DERA: variants seen among roughly 807,000 people sequenced by gnomAD.
The protein encoded by DERA is deoxyribose-phosphate aldolase.
Under a neutral mutation model 41.1 loss-of-function variants are expected in DERA, and 15 were observed. That is an observed-to-expected ratio of 0.37 (90% confidence interval 0.24 to 0.56). The LOEUF (loss-of-function observed/expected upper bound fraction) is 0.56, where lower values mean the gene tolerates loss of function less well. DERA is among the 20% of genes least tolerant of loss of function. The pLI, the probability that DERA is intolerant of heterozygous loss-of-function variation, is 0.81. For missense variants in DERA, 396 were observed against 403.4 expected, an observed-to-expected ratio of 0.98 and a Z score of 0.16; for synonymous variants, 139 against 137.4, an observed-to-expected ratio of 1.01 and a Z score of -0.08.
Position 15,982,580 on chromosome 12 carries a change from A to G in DERA, c.637+144A>G, listed in dbSNP as rs1948740214. The stretch of plus-strand genomic sequence containing the variant: ...GAGGAATCGGATATTTTGTAAAAAC[A>G]TGTTCAATGTGAAGTGGTCAAAAAC... On this transcript the variant is annotated intron_variant, in intron 6 of 8. Transcript: ENST00000428559. This position sits in a 1 kb window ranked among gnomAD's most constrained non-coding sequence, Gnocchi z 4.0. The G allele has an allele frequency of 3.4e-6, 3 of 886,618 alleles. No individual in the cohort carries two copies. Among genetic ancestry groups the G allele is most frequent in the Non-Finnish European group, 5.1e-6 (3 of 590,802 alleles). 54.9% of individuals were successfully genotyped at this position (886,618 alleles called of 1,614,324 possible). A position where few individuals can be genotyped will look rare whatever the true frequency, so the allele number is the denominator to read the frequency against.
In DERA at chr12:15,985,217, T is replaced by G. The variant is rs1948756384; in HGVS notation, c.637+2781T>G. The G allele has an allele frequency of 6.6e-6, 1 of 152,294 alleles. No individual in the cohort carries two copies. The highest frequency in any genetic ancestry group is 2.1e-4 in the South Asian group (1 of 4,832). 9.4% of individuals were successfully genotyped at this position (152,294 alleles called of 1,614,324 possible). On this transcript the variant is annotated intron_variant, in intron 6 of 8. Coordinates refer to ENST00000428559, the MANE Select transcript of DERA (RefSeq NM_015954.4). The surrounding 1 kb of genome is among the most constrained non-coding windows in gnomAD (Gnocchi z 4.2). ...TCACCATGCTTAGCTTTGCCAGTATTAGAACATTATCTAATCACATAGTGT... is the reference window on the plus strand; with the variant it reads ...TCACCATGCTTAGCTTTGCCAGTATGAGAACATTATCTAATCACATAGTGT...
chr12:15,996,013 C>T lies in DERA; in HGVS notation c.637+13577C>T, dbSNP rs188761940. Among the ~76,000 whole-genome samples, 321 of 152,168 alleles carry T rather than the reference C, an allele frequency of 2.1e-3. 2 individuals carry two copies. The highest frequency in any genetic ancestry group is 7.7e-3 in the South Asian group (37 of 4,804). ...GCCACATCAGGAGGTAGGAGACGTT[C>T]GAGGCACAGGCTGAGTGAGCCTGAT... is the stretch of plus-strand genomic sequence containing the variant. On this transcript the variant is annotated intron_variant, in intron 6 of 8. Transcript: ENST00000428559. The surrounding 1 kb of genome is among the most constrained non-coding windows in gnomAD (Gnocchi z 4.7).
At chr12:16,015,308 A>C (rs372276244) in intron 6 of DERA, among the ~76,000 whole-genome samples, 6 of 152,182 alleles carry the variant, frequency 3.9e-5, no homozygotes, top group African/African-American at 1.4e-4. Flanking sequence ...TAATTCCCAC[A>C]TGTCAAGGAA....
rs957415315 is a variant in DERA at position 15,998,609 on chromosome 12, G to T, written c.637+16173G>T. On this transcript the variant is annotated intron_variant, in intron 6 of 8. Coordinates refer to ENST00000428559, the MANE Select transcript of DERA (RefSeq NM_015954.4). The surrounding 1 kb of genome is among the most constrained non-coding windows in gnomAD (Gnocchi z 4.8). ...TGGAATTACAGGTGTGAGCCACCACGCCTGGCCTAACACAGGAAGTCTTTC... is the reference window on the plus strand; with the variant it reads ...TGGAATTACAGGTGTGAGCCACCACTCCTGGCCTAACACAGGAAGTCTTTC... 6.6e-6 allele frequency among the ~76,000 whole-genome samples: 1 copy of T among 152,056 alleles called. No homozygotes were observed. Among genetic ancestry groups the T allele is most frequent in the Non-Finnish European group, 1.5e-5 (1 of 68,000 alleles).
In DERA at chr12:15,943,765, C is replaced by T. The variant is rs998681616; in HGVS notation, c.32-13171C>T. ...TTATTATACTTTAAGTTCTAGGATA[C>T]ATATGCACAATGTGCAGGTTTGTTA... is the stretch of plus-strand genomic sequence containing the variant. On this transcript the variant is annotated intron_variant, in intron 1 of 8. Transcript: ENST00000428559. This position sits in a 1 kb window ranked among gnomAD's most constrained non-coding sequence, Gnocchi z 4.5. Among the ~76,000 whole-genome samples, 1 of 150,138 alleles carries T rather than the reference C, an allele frequency of 6.7e-6. No individual in the cohort carries two copies. Among genetic ancestry groups the T allele is most frequent in the Middle Eastern group, 3.4e-3 (1 of 290 alleles).
intron 1 of DERA, among the ~76,000 whole-genome samples, chr12:15,929,027 A>C (rs1948308089): frequency 6.6e-6 from 1 of 152,176 alleles, no homozygotes; most frequent in Non-Finnish European, 1.5e-5. Context: ...TGGCTCAGCC[A>C]CGTGACTTCT....
chr12:15,939,796 CAGAG>C (rs1222694686), intron 1 of DERA, among the ~76,000 whole-genome samples: 1 of 152,138 alleles, frequency 6.6e-6, no homozygotes, highest in Non-Finnish European at 1.5e-5. Flanking sequence ...TGAGAATCAG[CAGAG>C]AGAGTGTGTG....
chr12:16,034,598 G>A (rs1949114622), intron 7 of DERA, among the ~76,000 whole-genome samples: 1 of 152,170 alleles, frequency 6.6e-6, no homozygotes, highest in African/African-American at 2.4e-5. Context: ...AGTTGCTTGG[G>A]CAGCCCTTAG....
At chr12:15,951,879 A>G (rs975137054) in intron 1 of DERA, among the ~76,000 whole-genome samples, 5 of 151,966 alleles carry the variant, frequency 3.3e-5, no homozygotes, top group Admixed American at 1.3e-4. Flanking sequence ...CTACAACAGT[A>G]CTTACTGATG....
intron 1 of DERA, among the ~76,000 whole-genome samples, chr12:15,927,193 A>G (rs16916716): frequency 0.059 from 9,054 of 152,206 alleles, 928 homozygotes; most frequent in African/African-American, 0.21. Context: ...AAAGATTAAT[A>G]TTTACTGATT....
At position 15,990,790 on chromosome 12, in the gene DERA, T is replaced by C. The variant is rs998256593; in HGVS notation, c.637+8354T>C. 1.3e-5 allele frequency among the ~76,000 whole-genome samples: 2 copies of C among 152,206 alleles called. No individual in the cohort carries two copies. The highest frequency in any genetic ancestry group is 4.8e-5 in the African/African-American group (2 of 41,450). On this transcript the variant is annotated intron_variant, in intron 6 of 8. Coordinates refer to ENST00000428559, the MANE Select transcript of DERA (RefSeq NM_015954.4). The surrounding 1 kb of genome is among the most constrained non-coding windows in gnomAD (Gnocchi z 4.3). ...CTGCAAAGGATATGATCTCATTCTTTTTTTATGGCTGGATAGTAGTCCATG... is the reference window on the plus strand; with the variant it reads ...CTGCAAAGGATATGATCTCATTCTTCTTTTATGGCTGGATAGTAGTCCATG...
intron 6 of DERA, among the ~76,000 whole-genome samples, chr12:16,015,638 G>A (rs541390688): frequency 7.9e-5 from 12 of 152,184 alleles, no homozygotes; most frequent in Non-Finnish European, 1.6e-4. Context: ...CCTTATCTAT[G>A]GAGTGAAGTA....
Position 15,982,194 on chromosome 12 carries a change from G to A in DERA, c.509-114G>A, listed in dbSNP as rs1286711172. On this transcript the variant is annotated intron_variant, in intron 5 of 8. Coordinates refer to ENST00000428559, the MANE Select transcript of DERA (RefSeq NM_015954.4). The surrounding 1 kb of genome is among the most constrained non-coding windows in gnomAD (Gnocchi z 4.0). ...TAAATTGGGGTGATTTTTAGAAAGT[G>A]ACAAATGTTTTATGTTTCCTAAATG... is the stretch of plus-strand genomic sequence containing the variant. 2.8e-6 allele frequency: 3 copies of A among 1,063,924 alleles called. No individual in the cohort carries two copies. The highest frequency in any genetic ancestry group is 4.0e-6 in the Non-Finnish European group (3 of 750,574). The allele number at this position is 1,063,924 out of a possible 1,614,324, so 65.9% of individuals were successfully genotyped here. A position where few individuals can be genotyped will look rare whatever the true frequency, so the allele number is the denominator to read the frequency against.
rs1257450154 is a variant in DERA, at chr12:15,928,259, C to G, written c.31+16845C>G. ...TCTTGTATGACTGAAACTTTGTACC[C>G]TTTGACCATCATCTCTAATTACCTG... is the stretch of plus-strand genomic sequence containing the variant. On this transcript the variant is annotated intron_variant, in intron 1 of 8. Coordinates refer to ENST00000428559, the MANE Select transcript of DERA (RefSeq NM_015954.4). The surrounding 1 kb of genome is among the most constrained non-coding windows in gnomAD (Gnocchi z 4.6). Among the ~76,000 whole-genome samples the G allele has an allele frequency of 6.6e-6, 1 of 152,286 alleles. No homozygotes were observed. The highest frequency in any genetic ancestry group is 3.4e-3 in the Middle Eastern group (1 of 294).
At chr12:15,952,126 C>T (rs532925062) in intron 1 of DERA, among the ~76,000 whole-genome samples, 1 of 152,304 alleles carries the variant, frequency 6.6e-6, no homozygotes, top group South Asian at 2.1e-4. Context: ...GTCTCGAACT[C>T]CTGACCTCGT....
At chr12:15,960,635 T>TAAAA (rs1948578775) in intron 4 of DERA, among the ~76,000 whole-genome samples, 1 of 20,512 alleles carries the variant, frequency 4.9e-5, no homozygotes, top group Non-Finnish European at 7.9e-5. Flanking sequence ...AGACTCCGTC[T>TAAAA]CAAAAAAAAA....
chr12:15,923,317 C>T (rs1363536663), intron 1 of DERA, among the ~76,000 whole-genome samples: 2 of 152,114 alleles, frequency 1.3e-5, no homozygotes, highest in East Asian at 1.9e-4. Flanking sequence ...CCACCGCGCC[C>T]GGCCTGTTTT....
chr12:15,930,318 C>T (rs1039736440), intron 1 of DERA, among the ~76,000 whole-genome samples: 24 of 152,210 alleles, frequency 1.6e-4, no homozygotes, highest in Admixed American at 7.9e-4. Flanking sequence ...AAACTAGACA[C>T]GTATTCAATA....
chr12:15,971,980 G>T, intron 5 of DERA: 1 of 232,492 alleles, frequency 4.3e-6, no homozygotes, highest in Non-Finnish European at 8.5e-6. Context: ...GTACCAAACA[G>T]TATAGCACAT....
Sources: allele counts gnomAD v4.1 joint callset (sites outside exome capture counted in the v4.1 genomes callset), GRCh38; gene constraint gnomAD v4.1.1; non-coding constraint Gnocchi (gnomAD v3.1); transcripts MANE v1.5; gene names NCBI Gene and HGNC (gene_info 2026-07-23, HGNC 2026-07-21).